NMNAT3: variants seen among roughly 807,000 people sequenced by gnomAD.
The protein encoded by NMNAT3 is nicotinamide/nicotinic acid mononucleotide adenylyltransferase 3.
NMNAT3 carries 21 observed loss-of-function variants against 24.8 expected under a neutral mutation model. The observed-to-expected ratio is 0.85, with a 90% CI of 0.60 to 1.22. NMNAT3 has a LOEUF of 1.22. Ranked by LOEUF, NMNAT3 falls within the 50% of genes most tolerant of loss-of-function variation. NMNAT3 has a pLI of 0.00. For missense variants in NMNAT3, 387 were observed against 436.6 expected, an observed-to-expected ratio of 0.89 and a Z score of 1.01; for synonymous variants, 136 against 155.2, an observed-to-expected ratio of 0.88 and a Z score of 0.92.
At chr3:139,587,336 A>G (rs2053979250) in intron 3 of NMNAT3, among the ~76,000 whole-genome samples, 1 of 152,294 alleles carries the variant, frequency 6.6e-6, no homozygotes, top group Non-Finnish European at 1.5e-5. Flanking sequence ...TATGGCATTG[A>G]CAGTACCATG....
intron 5 of NMNAT3, chr3:139,577,843 A>G (rs1359952505): frequency 6.6e-6 from 1 of 152,266 alleles, no homozygotes; most frequent in Non-Finnish European, 1.5e-5. Context: ...TTCTTTCCAC[A>G]GTAAAAGGTA....
At chr3:139,575,757 CT>C in intron 5 of NMNAT3, 1 of 1,125,206 alleles carries the variant, frequency 8.9e-7, no homozygotes, top group Admixed American at 4.4e-5. Context: ...TACCTTGGGC[CT>C]GTGGATTGAC....
At chr3:139,620,143 C>A (rs1461966037) in intron 3 of NMNAT3, among the ~76,000 whole-genome samples, 1 of 147,038 alleles carries the variant, frequency 6.8e-6, no homozygotes, top group Non-Finnish European at 1.5e-5. Context: ...TTTGTTGTGT[C>A]TTTTGCCCTA....
rs140562558 is a variant in NMNAT3 at position 139,630,581 on chromosome 3, G to A, written c.-40-2817C>T. On this transcript the variant is annotated intron_variant, in intron 2 of 6. Transcript: ENST00000643695. ...TTTCTCCTTCTTGGGATTTCAGCTC[G>A]AAGCACAGAGCCTGGCCCAGAGTAG... is the stretch of plus-strand genomic sequence containing the variant. 3.7e-4 allele frequency among the ~76,000 whole-genome samples: 56 copies of A among 152,288 alleles called. No homozygotes were observed. The East Asian group carries it at 9.8e-3, about 27-fold the overall frequency.
chr3:139,588,787 A>C (rs1483089595), intron 3 of NMNAT3, among the ~76,000 whole-genome samples: 1 of 152,202 alleles, frequency 6.6e-6, no homozygotes, highest in Non-Finnish European at 1.5e-5. Context: ...GAGAACCTTT[A>C]TTCTCAAATA....
chr3:139,640,131 A>C (rs956878341), intron 1 of NMNAT3, among the ~76,000 whole-genome samples: 5 of 152,186 alleles, frequency 3.3e-5, no homozygotes, highest in East Asian at 1.9e-4. Context: ...GAAACTGTGC[A>C]TGCATAAGGG....
chr3:139,631,486 C>G (rs184223050), intron 2 of NMNAT3, among the ~76,000 whole-genome samples: 6 of 152,260 alleles, frequency 3.9e-5, no homozygotes, highest in African/African-American at 1.4e-4. Context: ...AGGGAGACTT[C>G]TGCTATTGGG....
intron 3 of NMNAT3, among the ~76,000 whole-genome samples, chr3:139,596,935 TATATATATATATATATATA>T (rs2054495468): frequency 2.2e-5 from 1 of 44,644 alleles, no homozygotes; most frequent in South Asian, 5.6e-4. Flanking sequence ...TATATATATA[TATATATATATATATATATA>T]TATATATATA....
At position 139,600,306 on chromosome 3, in the gene NMNAT3, AT is replaced by A. The variant is rs79173913; in HGVS notation, c.110-17099del. Among the ~76,000 whole-genome samples, 1,353 of 142,560 alleles carry A rather than the reference AT, an allele frequency of 9.5e-3. 13 individuals carry two copies. The highest frequency in any genetic ancestry group is 0.016 in the African/African-American group (635 of 38,846). The allele number at this position is 142,560 out of a possible 152,430, so 93.5% of individuals were successfully genotyped here. A position where few individuals can be genotyped will look rare whatever the true frequency, so the allele number is the denominator to read the frequency against. On this transcript the variant is annotated intron_variant, in intron 3 of 6. Transcript: ENST00000643695. ...TTCCCTTTGGTCCTGGATAGAAAGG[AT>A]TTTTTTTTTTTTTTTGAGACGGAGT... is the stretch of plus-strand genomic sequence containing the variant.
chr3:139,652,705 C>T (rs2057096066), intron 1 of NMNAT3, among the ~76,000 whole-genome samples: 1 of 152,196 alleles, frequency 6.6e-6, no homozygotes, highest in Non-Finnish European at 1.5e-5. Flanking sequence ...AACCAAATTA[C>T]ATCCACTTTA....
chr3:139,657,313 C>T (rs959665397), intron 1 of NMNAT3, among the ~76,000 whole-genome samples: 1 of 152,244 alleles, frequency 6.6e-6, no homozygotes, highest in Non-Finnish European at 1.5e-5. Context: ...ATTAACTATC[C>T]TTTAGACATC....
At chr3:139,587,326 T>G (rs1273658374) in intron 3 of NMNAT3, among the ~76,000 whole-genome samples, 4 of 152,162 alleles carry the variant, frequency 2.6e-5, no homozygotes. Flanking sequence ...AGCCAGGGAC[T>G]ATGGCATTGA....
chr3:139,652,614 G>A (rs977348331), intron 1 of NMNAT3, among the ~76,000 whole-genome samples: 1 of 152,198 alleles, frequency 6.6e-6, no homozygotes, highest in African/African-American at 2.4e-5. Context: ...GGGCCCAAGA[G>A]AGGCCCTTGT....
intron 1 of NMNAT3, among the ~76,000 whole-genome samples, chr3:139,674,015 T>C (rs1052525458): frequency 2.0e-5 from 3 of 152,098 alleles, no homozygotes; most frequent in Admixed American, 2.0e-4. Context: ...CCAGGGATTC[T>C]GGATTTAGGG....
intron 6 of NMNAT3, chr3:139,567,735 C>A (rs1336939833): frequency 6.6e-6 from 1 of 152,092 alleles, no homozygotes; most frequent in African/African-American, 2.4e-5. Flanking sequence ...CTGCTGGATT[C>A]GGTTTGCCAG....
chr3:139,577,210 C>T (rs1261371298), intron 5 of NMNAT3, among the ~76,000 whole-genome samples: 1 of 152,114 alleles, frequency 6.6e-6, no homozygotes, highest in Admixed American at 6.6e-5. Context: ...CACAAGTAAT[C>T]GTAAATAGTA....
intron 1 of NMNAT3, among the ~76,000 whole-genome samples, chr3:139,648,267 G>A (rs1211641686): frequency 2.0e-5 from 3 of 152,176 alleles, no homozygotes; most frequent in Non-Finnish European, 4.4e-5. Context: ...TTTGCCTTCT[G>A]CCATGATTGT....
At chr3:139,621,718 A>C (rs1443665985) in intron 3 of NMNAT3, among the ~76,000 whole-genome samples, 1 of 152,024 alleles carries the variant, frequency 6.6e-6, no homozygotes, top group Non-Finnish European at 1.5e-5. Context: ...CTTTTAACCT[A>C]GTTCTCTTCA....
At position 139,599,780 on chromosome 3, in the gene NMNAT3, G is replaced by A. The variant is rs910505736; in HGVS notation, c.110-16572C>T. ...TTTCTCCAGAGAGCTCTTCAACTGT[G>A]TGATCCAAATGAATTTGAGAACACC... On this transcript the variant is annotated intron_variant, in intron 3 of 6. Transcript: ENST00000643695. Among the ~76,000 whole-genome samples the A allele has an allele frequency of 2.0e-5, 3 of 152,110 alleles. No individual in the cohort carries two copies. The South Asian group carries it at 6.2e-4, about 32-fold the overall frequency.
Sources: gnomAD v4.1 joint callset for allele counts (sites outside exome capture counted in the v4.1 genomes callset) on GRCh38, gnomAD v4.1.1 for gene constraint, MANE v1.5 for transcripts, NCBI Gene and HGNC (gene_info 2026-07-23, HGNC 2026-07-21) for gene names.